The following NETO1 variants were observed in gnomAD, a reference collection of about 807,000 sequenced individuals.
NETO1 encodes neuropilin and tolloid like 1.
A neutral mutation model predicts 61.3 loss-of-function variants in NETO1; 26 were observed. The ratio of observed to expected loss-of-function variants is 0.42; its 90% CI spans 0.31 to 0.59. NETO1 has a LOEUF of 0.59. Among genes scored for constraint, NETO1 ranks in the 20% least tolerant of loss-of-function variants. The pLI is 0.12. For missense variants in NETO1, 531 were observed against 662.8 expected (o/e 0.80, Z 2.18); for synonymous variants, 225 against 225.8 (o/e 1.00, Z 0.03).
chr18:72,866,636 A>G (rs1185050475), intron 1 of NETO1: 1 of 855,480 alleles, frequency 1.2e-6, no homozygotes, highest in Non-Finnish European at 1.4e-6. Flanking sequence ...TTGCTTAGTA[A>G]TGATACATTT....
chr18:72,789,631 T>C (rs75103794), intron 6 of NETO1, among the ~76,000 whole-genome samples: 3,219 of 152,214 alleles, frequency 0.021, 118 homozygotes, highest in African/African-American at 0.074. Context: ...AATAGTTCTG[T>C]AGGTAGGAAG....
chr18:72,785,812 T>G (rs1271295628), intron 6 of NETO1, among the ~76,000 whole-genome samples: 1 of 152,180 alleles, frequency 6.6e-6, no homozygotes, highest in Non-Finnish European at 1.5e-5. Flanking sequence ...TTCTCCATCT[T>G]CTGTCTAGGA....
In NETO1 at chr18:72,798,179, C is replaced by G. The variant is rs77713095; in HGVS notation, c.470-3775G>C. Reference sequence around the variant, plus strand: ...GCAAAGGAAGCATCAACTGTATTTACAGCAGCTTCCCATGGCTCACATCAC... The same window carrying G: ...GCAAAGGAAGCATCAACTGTATTTAGAGCAGCTTCCCATGGCTCACATCAC... On this transcript the variant is annotated intron_variant, in intron 4 of 10. Coordinates refer to ENST00000327305, the MANE Select transcript of NETO1 (RefSeq NM_138966.5). 1.4e-4 allele frequency among the ~76,000 whole-genome samples: 22 copies of G among 152,342 alleles called. No individual in the cohort carries two copies. In the East Asian group the frequency reaches 3.9e-3, roughly 27 times the overall value.
chr18:72,749,045 T>C lies in NETO1; in HGVS notation c.1585A>G (p.Asn529Asp), dbSNP rs1172856609. ...GSLSKHESEY[N>D]TTRV is the part of the protein sequence containing the mutation. Reference sequence around the variant, plus strand: ...TTTTCTTTCTAGACCCTAGTTGTGTTGTATTCAGATTCATGTTTGCTTAGA... The same window carrying C: ...TTTTCTTTCTAGACCCTAGTTGTGTCGTATTCAGATTCATGTTTGCTTAGA... Residue 529 changes from asparagine to aspartate, a missense_variant, in exon 10 of 11, where the codon AAC becomes GAC. Physicochemically the swap from Asn to Asp is conservative, Grantham distance 23. Transcript: ENST00000327305. The C allele has an allele frequency of 6.2e-7, 1 of 1,611,480 alleles. No homozygotes were observed. The highest frequency in any genetic ancestry group is 1.1e-5 in the South Asian group (1 of 91,048).
chr18:72,801,264 A>G (rs1207282764), intron 4 of NETO1, among the ~76,000 whole-genome samples: 1 of 149,656 alleles, frequency 6.7e-6, no homozygotes, highest in Non-Finnish European at 1.5e-5. Flanking sequence ...ACTCTTCCTC[A>G]GTAAATAATA....
chr18:72,789,970 T>G (rs900768636), intron 6 of NETO1, among the ~76,000 whole-genome samples: 1 of 152,320 alleles, frequency 6.6e-6, no homozygotes, highest in Non-Finnish European at 1.5e-5. Context: ...CTGTGTTCAT[T>G]AGATAAGTAA....
chr18:72,821,070 C>T (rs1270674786), intron 4 of NETO1, among the ~76,000 whole-genome samples: 3 of 151,936 alleles, frequency 2.0e-5, no homozygotes, highest in Non-Finnish European at 2.9e-5. Context: ...TCTACTCCTG[C>T]GTATCTCTTC....
chr18:72,779,428 T>G (rs891177288), intron 7 of NETO1, among the ~76,000 whole-genome samples: 5 of 152,098 alleles, frequency 3.3e-5, no homozygotes, highest in African/African-American at 9.7e-5. Context: ...AACAAAAATG[T>G]AAGCCAAAAT....
At chr18:72,756,169 C>A in intron 7 of NETO1, 22 bp from the exon 8 acceptor site, 1 of 1,226,400 alleles carries the variant, frequency 8.2e-7, no homozygotes, top group Admixed American at 1.7e-5. Context: ...AAGAACAAGA[C>A]AAAGGAGGAA....
chr18:72,746,144 CTAACT>C lies in NETO1; in HGVS notation c.*2030_*2034del, dbSNP rs2070427020. On this transcript the variant is annotated 3_prime_UTR_variant, in exon 11 of 11. Transcript: ENST00000327305. ...AACAAATTAATAGTAAAATGTTCACCTAACTTATTTCACTATTTTTATTGCTGTTA... is the reference window on the plus strand; with the variant it reads ...AACAAATTAATAGTAAAATGTTCACCTATTTCACTATTTTTATTGCTGTTA... 6.6e-6 allele frequency among the ~76,000 whole-genome samples: 1 copy of C among 151,984 alleles called. No individual in the cohort carries two copies. Among genetic ancestry groups the C allele is most frequent in the African/African-American group, 2.4e-5 (1 of 41,388 alleles).
intron 4 of NETO1, among the ~76,000 whole-genome samples, chr18:72,846,983 G>A (rs2074110046): frequency 6.6e-6 from 1 of 152,224 alleles, no homozygotes; most frequent in Non-Finnish European, 1.5e-5. Flanking sequence ...CAAGCAAAAC[G>A]GAAGTTGGAG....
chr18:72,835,585 A>G (rs1214954396), intron 4 of NETO1, among the ~76,000 whole-genome samples: 1 of 152,232 alleles, frequency 6.6e-6, no homozygotes, highest in Non-Finnish European at 1.5e-5. Context: ...AGGTGAAATG[A>G]GAAGGAAGAA....
chr18:72,822,580 A>G (rs1252981825), intron 4 of NETO1, among the ~76,000 whole-genome samples: 1 of 152,188 alleles, frequency 6.6e-6, no homozygotes. Flanking sequence ...TAACTTTCCT[A>G]CCGCCAAGCA....
chr18:72,832,828 A>G (rs1012946577), intron 4 of NETO1, among the ~76,000 whole-genome samples: 5 of 152,242 alleles, frequency 3.3e-5, no homozygotes, highest in African/African-American at 1.2e-4. Context: ...AGAGCAGTGT[A>G]ATAAACATAC....
At chr18:72,844,292 C>T (rs1172211119) in intron 4 of NETO1, among the ~76,000 whole-genome samples, 1 of 152,152 alleles carries the variant, frequency 6.6e-6, no homozygotes, top group African/African-American at 2.4e-5. Flanking sequence ...GCTTCTAACA[C>T]TTTCTTATTG....
chr18:72,813,089 G>A (rs1011937803), intron 4 of NETO1, among the ~76,000 whole-genome samples: 10 of 152,144 alleles, frequency 6.6e-5, no homozygotes, highest in Non-Finnish European at 8.8e-5. Flanking sequence ...TGAGCTGAAT[G>A]TGAGACTGTC....
chr18:72,807,030 A>G (rs1003722749), intron 4 of NETO1, among the ~76,000 whole-genome samples: 3 of 152,194 alleles, frequency 2.0e-5, no homozygotes, highest in African/African-American at 4.8e-5. Flanking sequence ...TTAAATATCA[A>G]TGGCAGAAAA....
chr18:72,837,760 TGGGGGG>T (rs1433206376), intron 4 of NETO1, among the ~76,000 whole-genome samples: 1 of 152,140 alleles, frequency 6.6e-6, no homozygotes, highest in Non-Finnish European at 1.5e-5. Context: ...AATGAGAGCT[TGGGGGG>T]ATCCTATAGA....
intron 8 of NETO1, among the ~76,000 whole-genome samples, chr18:72,754,751 A>G (rs1280748261): frequency 6.6e-6 from 1 of 152,208 alleles, no homozygotes; most frequent in Admixed American, 6.5e-5. Flanking sequence ...CCCACTTTCA[A>G]TAATGGATAA....
Sources: allele counts gnomAD v4.1 joint callset (sites outside exome capture counted in the v4.1 genomes callset), GRCh38; gene constraint gnomAD v4.1.1; transcripts MANE v1.5; gene names NCBI Gene and HGNC (gene_info 2026-07-23, HGNC 2026-07-21).